PRKN: variants seen among roughly 807,000 people sequenced by gnomAD.
PRKN encodes E3 ubiquitin-protein ligase parkin.
A neutral mutation model predicts 59.5 loss-of-function variants in PRKN; 56 were observed. The ratio of observed to expected loss-of-function variants is 0.94; its 90% confidence interval spans 0.76 to 1.18. The LOEUF is 1.18. Ranked by LOEUF, PRKN falls within the 50% of genes most tolerant of loss-of-function variation. The probability of loss-of-function intolerance (pLI) is 0.00; values close to 1 mark genes in which losing one functional copy is unlikely to be tolerated. For missense variants in PRKN, 657 were observed against 596.4 expected (o/e 1.10, Z -1.06); for synonymous variants, 250 against 222.1 (o/e 1.13, Z -1.12).
At chr6:162,424,022 GATAA>G (rs1392662837) in intron 2 of PRKN, among the ~76,000 whole-genome samples, 1 of 152,060 alleles carries the variant, frequency 6.6e-6, no homozygotes, top group African/African-American at 2.4e-5. Flanking sequence ...AGGGTGAACA[GATAA>G]ATAAACTGTG....
At chr6:162,178,313 C>T (rs1428016308) in intron 4 of PRKN, among the ~76,000 whole-genome samples, 1 of 152,210 alleles carries the variant, frequency 6.6e-6, no homozygotes, top group Non-Finnish European at 1.5e-5. Flanking sequence ...AGAAGAGTCT[C>T]TTTTGACATG....
intron 2 of PRKN, among the ~76,000 whole-genome samples, chr6:162,376,875 G>A (rs1786133935): frequency 8.2e-6 from 1 of 122,048 alleles, no homozygotes; most frequent in Non-Finnish European, 1.7e-5. Context: ...GGAGGAAGAG[G>A]GGGAGAGGGA....
intron 7 of PRKN, among the ~76,000 whole-genome samples, chr6:161,724,318 A>T (rs1787351261): frequency 6.6e-6 from 1 of 152,208 alleles, no homozygotes; most frequent in Non-Finnish European, 1.5e-5. Context: ...AAGGATATAC[A>T]TGTGCTAATG....
rs1371791361 is a variant in PRKN, at chr6:161,533,408, T to C, written c.1083+15446A>G. Among the ~76,000 whole-genome samples, 2 of 152,124 alleles carry C rather than the reference T, an allele frequency of 1.3e-5. No homozygotes were observed. The highest frequency in any genetic ancestry group is 1.3e-4 in the Admixed American group (2 of 15,266). ...AGACACAAACAAGCATGCTGGAAGCTTGCACAGGTACATGCTGGCAGTTGT... is the reference window on the plus strand; with the variant it reads ...AGACACAAACAAGCATGCTGGAAGCCTGCACAGGTACATGCTGGCAGTTGT... On this transcript the variant is annotated intron_variant, in intron 9 of 11. Transcript: ENST00000366898. This position sits in a 1 kb window ranked among gnomAD's most constrained non-coding sequence, Gnocchi z 4.1.
rs540911124 is a variant in PRKN at position 161,641,812 on chromosome 6, T to TGCCA, written c.872-72400_872-72397dup. On this transcript the variant is annotated intron_variant, in intron 7 of 11. Coordinates refer to ENST00000366898, the MANE Select transcript of PRKN (RefSeq NM_004562.3). ...TGCCCTGTGGCGCTTAAAGCTTCTG[T>TGCCA]GCCATACACCATCCTGATGGGCTGG... Among the ~76,000 whole-genome samples, 48 of 152,318 alleles carry TGCCA rather than the reference T, an allele frequency of 3.2e-4. No individual in the cohort carries two copies. In the South Asian group the frequency reaches 8.1e-3, roughly 26 times the overall value.
In PRKN at chr6:161,680,052, G is replaced by A. The variant is rs147548343; in HGVS notation, c.871+105720C>T. On this transcript the variant is annotated intron_variant, in intron 7 of 11. Coordinates refer to ENST00000366898, the MANE Select transcript of PRKN (RefSeq NM_004562.3). The stretch of plus-strand genomic sequence containing the variant: ...TACAGGCATGAGCCACCGTGCCCTG[G>A]CCAGAGCCAGCCATTTTTAAGTGGG... 1.6e-3 allele frequency among the ~76,000 whole-genome samples: 243 copies of A among 152,102 alleles called. 7 individuals carry two copies. In the East Asian group the frequency reaches 0.029, roughly 18 times the overall value.
intron 4 of PRKN, among the ~76,000 whole-genome samples, chr6:162,113,047 T>C (rs1780509665): frequency 6.6e-6 from 1 of 152,206 alleles, no homozygotes; most frequent in Non-Finnish European, 1.5e-5. Flanking sequence ...CAGGCTTTCA[T>C]GAAAACAGTC....
intron 2 of PRKN, chr6:162,271,388 A>G (rs1373737409): frequency 6.6e-6 from 1 of 151,948 alleles, no homozygotes; most frequent in Admixed American, 6.6e-5. Flanking sequence ...AATACATTAA[A>G]AAAAATTAGC....
chr6:162,228,937 T>A (rs140866987), intron 3 of PRKN, among the ~76,000 whole-genome samples: 26 of 152,312 alleles, frequency 1.7e-4, no homozygotes, highest in Non-Finnish European at 3.4e-4. Context: ...TAGCTGCTGC[T>A]TTGCGGTGTT....
intron 1 of PRKN, among the ~76,000 whole-genome samples, chr6:162,541,047 T>A (rs1778907290): frequency 1.3e-5 from 2 of 152,288 alleles, no homozygotes; most frequent in Admixed American, 6.5e-5. Context: ...AATCCTCACA[T>A]CAATTTCACA....
intron 6 of PRKN, among the ~76,000 whole-genome samples, chr6:161,875,726 G>T (rs1260065119): frequency 6.6e-6 from 1 of 152,098 alleles, no homozygotes; most frequent in Non-Finnish European, 1.5e-5. Flanking sequence ...GGCCACAATG[G>T]CATGGAAATG....
intron 6 of PRKN, among the ~76,000 whole-genome samples, chr6:161,807,283 G>A (rs1393625709): frequency 6.6e-6 from 1 of 152,064 alleles, no homozygotes; most frequent in Non-Finnish European, 1.5e-5. Flanking sequence ...ACATAAACAT[G>A]CTTATACACA....
intron 1 of PRKN, chr6:162,727,305 G>A (rs1779286771): frequency 5.8e-6 from 2 of 347,742 alleles, no homozygotes; most frequent in South Asian, 3.9e-5. Flanking sequence ...GAGGGGCGGC[G>A]GCGGGGCGAA....
At chr6:162,723,625 T>A (rs2849534) in intron 1 of PRKN, among the ~76,000 whole-genome samples, 118,054 of 152,176 alleles carry the variant, frequency 0.78, 46,149 homozygotes, top group East Asian at 0.98. Context: ...CTTGTAAAAT[T>A]GGGCAACTTA....
At chr6:162,498,548 C>A (rs1290599165) in intron 1 of PRKN, among the ~76,000 whole-genome samples, 1 of 144,402 alleles carries the variant, frequency 6.9e-6, no homozygotes, top group East Asian at 2.1e-4. Flanking sequence ...TGGGTTCAAG[C>A]GATTGTCCTG....
chr6:162,184,668 C>T lies in PRKN; in HGVS notation c.534+16463G>A, dbSNP rs538311739. Among the ~76,000 whole-genome samples the T allele has an allele frequency of 1.2e-4, 18 of 152,166 alleles. No individual in the cohort carries two copies. In the South Asian group the frequency reaches 1.2e-3, roughly 11 times the overall value. Reference sequence around the variant, plus strand: ...CAAACCTGTTTTCTTTATTATGACCCGGTCTCCGGTATTTCTTCATAGCAG... The same window carrying T: ...CAAACCTGTTTTCTTTATTATGACCTGGTCTCCGGTATTTCTTCATAGCAG... On this transcript the variant is annotated intron_variant, in intron 4 of 11. Transcript: ENST00000366898.
chr6:162,114,431 A>G (rs1238634714), intron 4 of PRKN, among the ~76,000 whole-genome samples: 2 of 151,536 alleles, frequency 1.3e-5, no homozygotes, highest in Non-Finnish European at 2.9e-5. Flanking sequence ...GGTCCTTCAC[A>G]TCCCTTGTAA....
At chr6:162,098,755 T>G (rs1779848784) in intron 4 of PRKN, among the ~76,000 whole-genome samples, 1 of 152,222 alleles carries the variant, frequency 6.6e-6, no homozygotes, top group African/African-American at 2.4e-5. Flanking sequence ...TTCCATGTAC[T>G]TGTGAGAATT....
At chr6:162,660,332 C>T (rs1778830331) in intron 1 of PRKN, among the ~76,000 whole-genome samples, 2 of 152,130 alleles carry the variant, frequency 1.3e-5, no homozygotes, top group African/African-American at 4.8e-5. Context: ...CTTATGAAAG[C>T]ATGCAAGAGG....
Sources: gnomAD v4.1 joint callset for allele counts (sites outside exome capture counted in the v4.1 genomes callset) on GRCh38, gnomAD v4.1.1 for gene constraint, Gnocchi (gnomAD v3.1) non-coding constraint, MANE v1.5 for transcripts, NCBI Gene and HGNC (gene_info 2026-07-23, HGNC 2026-07-21) for gene names.